PIGL: variants seen among roughly 807,000 people sequenced by gnomAD.
The protein encoded by PIGL is phosphatidylinositol glycan anchor biosynthesis class L.
A neutral mutation model predicts 31.1 loss-of-function variants in PIGL; 22 were observed. The ratio of observed to expected loss-of-function variants is 0.71; its 90% confidence interval spans 0.51 to 1.01. The LOEUF is 1.01. Ranked by LOEUF, PIGL falls within the 50% of genes least tolerant of loss-of-function variation. The pLI is 0.00. For missense variants in PIGL, 302 were observed against 315.9 expected, an observed-to-expected ratio of 0.96 and a Z score of 0.33; for synonymous variants, 131 against 117.4, an observed-to-expected ratio of 1.12 and a Z score of -0.75.
intron 2 of PIGL, among the ~76,000 whole-genome samples, chr17:16,265,338 C>G (rs2092837723): frequency 6.6e-6 from 1 of 152,136 alleles, no homozygotes; most frequent in African/African-American, 2.4e-5. Flanking sequence ...GTGATTAGGA[C>G]AGATGATTTA....
chr17:16,316,422 T>C (rs2093077124), intron 4 of PIGL, among the ~76,000 whole-genome samples: 1 of 152,222 alleles, frequency 6.6e-6, no homozygotes, highest in Admixed American at 6.5e-5. Context: ...GGGCAAAGCT[T>C]GGACCAGAGT....
chr17:16,227,578 CTTTTTTT>C (rs57452229), intron 1 of PIGL, among the ~76,000 whole-genome samples: 1 of 103,196 alleles, frequency 9.7e-6, no homozygotes, highest in Non-Finnish European at 1.9e-5. Context: ...ATTTTCTTTT[CTTTTTTT>C]TTTTTTTTTT....
At chr17:16,234,943 T>C (rs12936233) in intron 2 of PIGL, among the ~76,000 whole-genome samples, 62,156 of 151,974 alleles carry the variant, frequency 0.41, 13,597 homozygotes, top group Middle Eastern at 0.54. Flanking sequence ...AATAGTATCA[T>C]AAACCCCCAT....
At chr17:16,261,011 C>T in intron 2 of PIGL, among the ~76,000 whole-genome samples, 1 of 151,302 alleles carries the variant, frequency 6.6e-6, no homozygotes. Context: ...CTCAGCTGCT[C>T]AGGAGTCTGA....
chr17:16,312,767 GA>G, intron 3 of PIGL: 1 of 156,740 alleles, frequency 6.4e-6, no homozygotes, highest in South Asian at 1.7e-4. Flanking sequence ...AAAAAAATAC[GA>G]AAACCAGTCA....
At chr17:16,255,430 C>T (rs1056223058) in intron 2 of PIGL, among the ~76,000 whole-genome samples, 22 of 152,200 alleles carry the variant, frequency 1.4e-4, no homozygotes, top group Non-Finnish European at 2.4e-4. Flanking sequence ...AAGACTTTTA[C>T]AGACTAATTT....
chr17:16,302,938 A>G (rs150542816), intron 3 of PIGL, among the ~76,000 whole-genome samples: 5 of 152,162 alleles, frequency 3.3e-5, no homozygotes, highest in African/African-American at 1.2e-4. Flanking sequence ...ATCCTCTATA[A>G]TCTGACCCTT....
intron 3 of PIGL, among the ~76,000 whole-genome samples, chr17:16,300,447 G>A (rs1005957728): frequency 2.0e-5 from 3 of 152,262 alleles, no homozygotes; most frequent in South Asian, 2.1e-4. Context: ...TCGGGAGGCC[G>A]AGTTGGACGG....
intron 2 of PIGL, among the ~76,000 whole-genome samples, chr17:16,259,751 C>A (rs921309563): frequency 1.8e-4 from 27 of 152,086 alleles, no homozygotes; most frequent in Admixed American, 1.8e-3. Context: ...GGGGAGTGGG[C>A]ATGGCTGGGG....
At chr17:16,263,654 G>C (rs1442903415) in intron 2 of PIGL, among the ~76,000 whole-genome samples, 4 of 150,874 alleles carry the variant, frequency 2.7e-5, no homozygotes, top group African/African-American at 9.8e-5. Flanking sequence ...CTCCCAAGTA[G>C]CTGGGACTAC....
At chr17:16,295,865 G>T (rs181521564) in intron 2 of PIGL, among the ~76,000 whole-genome samples, 1 of 152,020 alleles carries the variant, frequency 6.6e-6, no homozygotes, top group Non-Finnish European at 1.5e-5. Context: ...CACTTGAACC[G>T]GGGAGGCAGA....
intron 2 of PIGL, among the ~76,000 whole-genome samples, chr17:16,291,457 A>T (rs1437311287): frequency 6.8e-6 from 1 of 147,264 alleles, no homozygotes; most frequent in Non-Finnish European, 1.5e-5. Flanking sequence ...CAGTGAGCTG[A>T]GATTGTGCCA....
chr17:16,295,304 G>T (rs2092976615), intron 2 of PIGL, among the ~76,000 whole-genome samples: 1 of 151,684 alleles, frequency 6.6e-6, no homozygotes, highest in Non-Finnish European at 1.5e-5. Context: ...CTGACAGGCT[G>T]AGGCAGGAGA....
At chr17:16,275,031 CA>C (rs761009824) in intron 2 of PIGL, among the ~76,000 whole-genome samples, 150 of 115,772 alleles carry the variant, frequency 1.3e-3, no homozygotes, top group East Asian at 2.6e-3. Flanking sequence ...GACTCCGTCT[CA>C]AAAAAAAAAA....
intron 3 of PIGL, chr17:16,312,875 A>C (rs1038576861): frequency 7.1e-6 from 1 of 140,966 alleles, no homozygotes; most frequent in Admixed American, 7.2e-5. Context: ...GCAGCAGTAC[A>C]GTCCAGCTTC....
At chr17:16,246,822 A>G (rs184743846) in intron 2 of PIGL, among the ~76,000 whole-genome samples, 2,550 of 150,356 alleles carry the variant, frequency 0.017, 64 homozygotes, top group African/African-American at 0.058. Flanking sequence ...AGTAGCTGGG[A>G]CTACAGGCGC....
intron 3 of PIGL, 47 bp downstream of exon 3, chr17:16,300,025 T>G (rs1490784992): frequency 7.0e-7 from 1 of 1,429,486 alleles, no homozygotes; most frequent in Non-Finnish European, 9.9e-7. Context: ...CTTGGTCCCA[T>G]TCACACCAGG....
At chr17:16,234,133 A>G in intron 2 of PIGL, 63 bp downstream of exon 2, 1 of 944,104 alleles carries the variant, frequency 1.1e-6, no homozygotes, top group South Asian at 1.4e-5. Context: ...TATACTCAAA[A>G]GACACACAAA....
intron 2 of PIGL, among the ~76,000 whole-genome samples, chr17:16,264,559 T>C (rs1316657007): frequency 6.6e-6 from 1 of 152,108 alleles, no homozygotes; most frequent in East Asian, 1.9e-4. Context: ...GTGTATGCCA[T>C]GTAACCTTTA....
Sources: allele counts gnomAD v4.1 joint callset (sites outside exome capture counted in the v4.1 genomes callset), GRCh38; gene constraint gnomAD v4.1.1; transcripts MANE v1.5; gene names NCBI Gene and HGNC (gene_info 2026-07-23, HGNC 2026-07-21).